SLC22A3: variants seen among roughly 807,000 people sequenced by gnomAD.
SLC22A3 encodes EMT organic cation transporter 3.
Under a neutral mutation model 59.1 loss-of-function variants are expected in SLC22A3, and 51 were observed. The ratio of observed to expected loss-of-function variants is 0.86; its 90% confidence interval spans 0.69 to 1.09. The LOEUF (loss-of-function observed/expected upper bound fraction) is 1.09. Among genes scored for constraint, SLC22A3 ranks in the 50% least tolerant of loss-of-function variants. SLC22A3 has a pLI of 0.00. For missense variants in SLC22A3, 711 were observed against 726.3 expected, an observed-to-expected ratio of 0.98 and a Z score of 0.24; for synonymous variants, 325 against 292.0, an observed-to-expected ratio of 1.11 and a Z score of -1.15.
chr6:160,358,300 G>A (rs796112734), intron 1 of SLC22A3, among the ~76,000 whole-genome samples: 17 of 152,286 alleles, frequency 1.1e-4, no homozygotes, highest in African/African-American at 4.1e-4. Context: ...AGGTAAATAA[G>A]GCATTCAAAG....
chr6:160,438,269 T>C (rs1230179544), intron 7 of SLC22A3, among the ~76,000 whole-genome samples: 1 of 152,044 alleles, frequency 6.6e-6, no homozygotes, highest in Non-Finnish European at 1.5e-5. Flanking sequence ...CACCAGGAAC[T>C]GGGAGGAGGA....
intron 5 of SLC22A3, among the ~76,000 whole-genome samples, chr6:160,434,460 T>C (rs577030647): frequency 6.6e-6 from 1 of 152,350 alleles, no homozygotes; most frequent in African/African-American, 2.4e-5. Flanking sequence ...CTAAGCCTTG[T>C]TTTCCTTATT....
chr6:160,409,015 C>T (rs528284667), intron 4 of SLC22A3, 94 bp downstream of exon 4: 6,568 of 601,316 alleles, frequency 0.011, no homozygotes, highest in South Asian at 0.028. Context: ...AGAAAATTTT[C>T]TTTTTTTTTT....
intron 1 of SLC22A3, among the ~76,000 whole-genome samples, chr6:160,388,310 A>T (rs948161705): frequency 1.3e-5 from 2 of 152,224 alleles, no homozygotes; most frequent in Admixed American, 1.3e-4. Flanking sequence ...AAAAAAAAAT[A>T]CAAACAATAC....
Position 160,451,807 on chromosome 6 carries a change from C to T in SLC22A3, c.*751C>T, listed in dbSNP as rs1788976606. On this transcript the variant is annotated 3_prime_UTR_variant, in exon 11 of 11. Coordinates refer to ENST00000275300, the MANE Select transcript of SLC22A3 (RefSeq NM_021977.4). ...CTGAGATTATTTGGGACATTTTTGG[C>T]TCTCCTTTAGTGGACACCTAGAGCC... 2 of 152,168 alleles carry T rather than the reference C, an allele frequency of 1.3e-5. No individual in the cohort carries two copies. The highest frequency in any genetic ancestry group is 2.9e-5 in the Non-Finnish European group (2 of 68,042). The allele number at this position is 152,168 out of a possible 1,614,324, so 9.4% of individuals were successfully genotyped here. A position where few individuals can be genotyped will look rare whatever the true frequency, so the allele number is the denominator to read the frequency against.
intron 1 of SLC22A3, among the ~76,000 whole-genome samples, chr6:160,375,034 T>C (rs1455744399): frequency 6.6e-6 from 1 of 152,110 alleles, no homozygotes; most frequent in Non-Finnish European, 1.5e-5. Context: ...TCCGTCCTAA[T>C]GGGGAAAGTG....
chr6:160,363,597 C>T (rs1387351069), intron 1 of SLC22A3, among the ~76,000 whole-genome samples: 1 of 152,132 alleles, frequency 6.6e-6, no homozygotes, highest in East Asian at 1.9e-4. Context: ...CAGCAAGCCA[C>T]CACCATCCTT....
chr6:160,388,852 G>C (rs1005217408), intron 1 of SLC22A3, among the ~76,000 whole-genome samples: 3 of 152,202 alleles, frequency 2.0e-5, no homozygotes, highest in Non-Finnish European at 4.4e-5. Context: ...ACCTGATTGT[G>C]GTTCTTTATT....
chr6:160,389,902 T>C (rs1172930671), intron 1 of SLC22A3, among the ~76,000 whole-genome samples: 2 of 152,166 alleles, frequency 1.3e-5, no homozygotes, highest in Non-Finnish European at 2.9e-5. Context: ...AGAGTCTGTA[T>C]AGTGAAGTCT....
intron 1 of SLC22A3, among the ~76,000 whole-genome samples, chr6:160,354,857 A>G (rs1483734595): frequency 6.6e-6 from 1 of 152,178 alleles, no homozygotes; most frequent in Non-Finnish European, 1.5e-5. Context: ...TGGACCCCAC[A>G]GGTAGGTCAT....
At chr6:160,426,239 G>A (rs1787946841) in intron 5 of SLC22A3, 2 of 985,392 alleles carry the variant, frequency 2.0e-6, no homozygotes, top group African/African-American at 1.7e-5. Context: ...CATAAGGAAG[G>A]CAAAATTTGG....
chr6:160,352,400 G>C (rs1784691283), intron 1 of SLC22A3, among the ~76,000 whole-genome samples: 1 of 152,188 alleles, frequency 6.6e-6, no homozygotes, highest in South Asian at 2.1e-4. Context: ...AAAATACAAT[G>C]TAACGCAGAG....
chr6:160,367,632 C>G (rs952297231), intron 1 of SLC22A3, among the ~76,000 whole-genome samples: 1 of 152,196 alleles, frequency 6.6e-6, no homozygotes, highest in Non-Finnish European at 1.5e-5. Flanking sequence ...GCTGCTGTCT[C>G]CAAGTGGTGT....
At chr6:160,376,844 T>C (rs1188476635) in intron 1 of SLC22A3, among the ~76,000 whole-genome samples, 1 of 152,218 alleles carries the variant, frequency 6.6e-6, no homozygotes, top group African/African-American at 2.4e-5. Flanking sequence ...TAAAATGTAT[T>C]AAGAAGTAAA....
intron 9 of SLC22A3, 93 bp downstream of exon 9, chr6:160,443,835 G>T (rs557157711): frequency 2.8e-4 from 158 of 571,670 alleles, no homozygotes; most frequent in African/African-American, 2.7e-3. Flanking sequence ...TAATGATAAT[G>T]ATAGTCATTT....
At chr6:160,449,800 G>A (rs937949335) in intron 10 of SLC22A3, among the ~76,000 whole-genome samples, 23 of 152,172 alleles carry the variant, frequency 1.5e-4, no homozygotes, top group Admixed American at 5.9e-4. Context: ...CAGCTGGGCC[G>A]CTGGGGGTGA....
intron 1 of SLC22A3, among the ~76,000 whole-genome samples, chr6:160,356,109 A>G (rs1214546865): frequency 6.6e-6 from 1 of 152,228 alleles, no homozygotes; most frequent in Non-Finnish European, 1.5e-5. Flanking sequence ...CCAACCCTGG[A>G]ATTGGCTTTC....
At position 160,408,772 on chromosome 6, in the gene SLC22A3, G is replaced by A. The variant is rs573086930; in HGVS notation, c.708G>A (p.Ser236=). Residue 236 remains serine (S), a synonymous_variant, in exon 4 of 11, where the codon TCG becomes TCA. Transcript: ENST00000275300. ...CYVIVTEIVG[S]KQRRIVGIVI... ...CTTTAGTGACAGAAATAGTAGGTTCGAAACAAAGGAGGATTGTGGGAATCG... is the reference window on the plus strand; with the variant it reads ...CTTTAGTGACAGAAATAGTAGGTTCAAAACAAAGGAGGATTGTGGGAATCG... The A allele has an allele frequency of 3.0e-5, 48 of 1,613,658 alleles. No homozygotes were observed. Among genetic ancestry groups the A allele is most frequent in the South Asian group, 1.4e-4 (13 of 91,064 alleles).
intron 1 of SLC22A3, among the ~76,000 whole-genome samples, chr6:160,364,644 T>G (rs181794412): frequency 1.3e-5 from 2 of 152,290 alleles, no homozygotes; most frequent in Admixed American, 6.5e-5. Context: ...TTAAGCAAAA[T>G]TGTTACCTAG....
Sources: allele counts gnomAD v4.1 joint callset (sites outside exome capture counted in the v4.1 genomes callset), GRCh38; gene constraint gnomAD v4.1.1; transcripts MANE v1.5; gene names NCBI Gene and HGNC (gene_info 2026-07-23, HGNC 2026-07-21).